The following MTCL1 variants were observed in gnomAD, a reference collection of about 807,000 sequenced individuals.
The protein encoded by MTCL1 is microtubule cross-linking factor 1.
Under a neutral mutation model 141.4 loss-of-function variants are expected in MTCL1, and 79 were observed. That is an observed-to-expected ratio of 0.56 (90% CI 0.47 to 0.67). The LOEUF (loss-of-function observed/expected upper bound fraction) is 0.67, where lower values mean the gene tolerates loss of function less well. Among genes scored for constraint, MTCL1 ranks in the 30% least tolerant of loss-of-function variants. The pLI is 0.00. For synonymous variants in MTCL1, 914 were observed against 875.8 expected, an observed-to-expected ratio of 1.04 and a Z score of -0.77; for missense variants, 2,177 against 2,113.9, an observed-to-expected ratio of 1.03 and a Z score of -0.59.
chr18:8,793,055 C>A, exon 8 of MTCL1: 1 of 1,614,148 alleles, frequency 6.2e-7, no homozygotes, highest in South Asian at 1.1e-5. Flanking sequence ...GCTACAGGGT[C>A]AGCTCGTGCA....
Position 8,705,756 on chromosome 18 carries a change from G to A in MTCL1, c.96G>A (p.Val32=), listed in dbSNP as rs2096056749. The A allele has an allele frequency of 8.3e-6, 10 of 1,202,988 alleles. No homozygotes were observed. Among genetic ancestry groups the A allele is most frequent in the African/African-American group, 1.6e-5 (1 of 63,068 alleles). The allele number at this position is 1,202,988 out of a possible 1,614,324, so 74.5% of individuals were successfully genotyped here. The change falls in exon 1 of 14, where the codon GTG becomes GTA. Residue 32 remains valine, a synonymous_variant. Coordinates refer to the MTCL1 transcript ENST00000306329. This position sits in a 1 kb window ranked among gnomAD's most constrained non-coding sequence, Gnocchi z 5.2. ...ACCGCCACCACCACCTCCACCCGGT[G>A]GCCGAAAGGCGGCGGCTGCACCGTG...
chr18:8,788,502 G>A (rs1420733472), intron 7 of MTCL1, among the ~76,000 whole-genome samples: 2 of 152,278 alleles, frequency 1.3e-5, no homozygotes, highest in African/African-American at 2.4e-5. Context: ...TATATTTGAG[G>A]AAAGAGGAAA....
At position 8,789,420 on chromosome 18, in the gene MTCL1, A is replaced by G. The variant is rs770400304; in HGVS notation, c.1887+3329A>G. The G allele has an allele frequency of 4.1e-6, 4 of 985,340 alleles. No homozygotes were observed. The African/African-American group carries it at 5.2e-5, about 13-fold the overall frequency. 61.0% of individuals were successfully genotyped at this position (985,340 alleles called of 1,614,324 possible). A position where few individuals can be genotyped will look rare whatever the true frequency, so the allele number is the denominator to read the frequency against. ...ATTGCTAGGCACTCTAGTGATGGCC[A>G]TGAAAAGCCTTCCTTTTCTGTTTGT... On this transcript the variant is annotated intron_variant, in intron 7 of 16. Coordinates refer to ENST00000359865, the Ensembl canonical transcript of MTCL1.
intron 10 of MTCL1, among the ~76,000 whole-genome samples, chr18:8,804,857 G>A (rs925518018): frequency 3.3e-5 from 5 of 152,038 alleles, no homozygotes; most frequent in Non-Finnish European, 7.4e-5. Flanking sequence ...TGGGCATGGC[G>A]GCACACGCCT....
At chr18:8,803,020 G>C (rs1236677445) in intron 10 of MTCL1, among the ~76,000 whole-genome samples, 1 of 152,168 alleles carries the variant, frequency 6.6e-6, no homozygotes, top group African/African-American at 2.4e-5. Context: ...AACCCAGCAA[G>C]GGGTACCACC....
At chr18:8,741,978 C>T (rs757115249) in intron 4 of MTCL1, among the ~76,000 whole-genome samples, 7 of 151,972 alleles carry the variant, frequency 4.6e-5, no homozygotes, top group African/African-American at 7.3e-5. Context: ...TCCAAGAAAA[C>T]GCCTGCTTCC....
chr18:8,711,830 T>C (rs866543018), intron 1 of MTCL1, among the ~76,000 whole-genome samples: 2 of 152,034 alleles, frequency 1.3e-5, no homozygotes, highest in Non-Finnish European at 2.9e-5. Context: ...TTTTCTCCCA[T>C]GTTGTAGGTT....
At position 8,754,933 on chromosome 18, in the gene MTCL1, C is replaced by T. The variant is rs547746663; in HGVS notation, c.358-22900C>T. ...GCCCTGACTCCCTGGTCCTTTTTAC[C>T]TGGTGGCATCAGAGAGCCCCTGATG... On this transcript the variant is annotated intron_variant, in intron 4 of 16. Transcript: ENST00000359865. 9.9e-5 allele frequency among the ~76,000 whole-genome samples: 15 copies of T among 152,274 alleles called. No homozygotes were observed. In the East Asian group the frequency reaches 2.7e-3, roughly 27 times the overall value.
At chr18:8,741,926 G>T (rs2096305637) in intron 4 of MTCL1, among the ~76,000 whole-genome samples, 1 of 152,188 alleles carries the variant, frequency 6.6e-6, no homozygotes, top group Non-Finnish European at 1.5e-5. Context: ...GCAAGGAAGA[G>T]TGGGTCTGAG....
chr18:8,813,079 C>A, exon 12 of MTCL1: 1 of 1,614,192 alleles, frequency 6.2e-7, no homozygotes, highest in Non-Finnish European at 8.5e-7. Context: ...AAGCTCCTGG[C>A]AGACAGTCAC....
At chr18:8,808,314 TA>T (rs60417279) in intron 11 of MTCL1, among the ~76,000 whole-genome samples, 33,273 of 152,116 alleles carry the variant, frequency 0.22, 4,015 homozygotes, top group East Asian at 0.36. Context: ...AATATGTTTA[TA>T]GGGGGAGTTA....
In MTCL1 at chr18:8,772,059, C is replaced by T. The variant is rs797014000; in HGVS notation, c.358-5774C>T. Among the ~76,000 whole-genome samples, 6 of 152,334 alleles carry T rather than the reference C, an allele frequency of 3.9e-5. 1 individual carries two copies. The highest frequency in any genetic ancestry group is 1.4e-4 in the African/African-American group (6 of 41,588). ...GTGGCATCTAGCACGCTACACTGGA[C>T]GAGACCCTGGCAGGTGGCCATTGAG... On this transcript the variant is annotated intron_variant, in intron 4 of 16. Transcript: ENST00000359865.
At chr18:8,750,781 G>A (rs2096366702) in intron 4 of MTCL1, among the ~76,000 whole-genome samples, 1 of 152,196 alleles carries the variant, frequency 6.6e-6, no homozygotes, top group Non-Finnish European at 1.5e-5. Context: ...TGATTTAAGG[G>A]AGTCTTGGCT....
chr18:8,789,613 T>A, intron 7 of MTCL1: 1 of 985,432 alleles, frequency 1.0e-6, no homozygotes, highest in Non-Finnish European at 1.2e-6. Context: ...GTTACAATTG[T>A]CAAGACTAGT....
chr18:8,768,789 CTTT>C (rs773958752), intron 4 of MTCL1, among the ~76,000 whole-genome samples: 1 of 117,892 alleles, frequency 8.5e-6, no homozygotes, highest in Non-Finnish European at 1.7e-5. Context: ...CTTTTCTTCT[CTTT>C]TTTTTTTTTT....
chr18:8,729,041 G>A (rs536180028), intron 4 of MTCL1, among the ~76,000 whole-genome samples: 1 of 149,532 alleles, frequency 6.7e-6, no homozygotes, highest in East Asian at 2.0e-4. Context: ...CAGCTGGATT[G>A]CTTGCTTATT....
intron 13 of MTCL1, among the ~76,000 whole-genome samples, chr18:8,820,505 G>C (rs2076811280): frequency 6.6e-6 from 1 of 152,164 alleles, no homozygotes; most frequent in East Asian, 1.9e-4. Context: ...AGACTTAGAA[G>C]AGTTCATATC....
chr18:8,742,533 G>A (rs574508716), intron 4 of MTCL1, among the ~76,000 whole-genome samples: 7 of 152,244 alleles, frequency 4.6e-5, no homozygotes, highest in Admixed American at 1.3e-4. Context: ...AAAACCATCA[G>A]ATCTCCTGAG....
chr18:8,797,926 A>T (rs1446598876), intron 9 of MTCL1, among the ~76,000 whole-genome samples, 171 bp from the exon 9 acceptor site: 1 of 152,250 alleles, frequency 6.6e-6, no homozygotes, highest in Non-Finnish European at 1.5e-5. Flanking sequence ...CTTTAAATGC[A>T]GCAAGTGCCA....
Sources: gnomAD v4.1 joint callset for allele counts (sites outside exome capture counted in the v4.1 genomes callset) on GRCh38, gnomAD v4.1.1 for gene constraint, Gnocchi (gnomAD v3.1) non-coding constraint, MANE v1.5 for transcripts, NCBI Gene and HGNC (gene_info 2026-07-23, HGNC 2026-07-21) for gene names.